The following ZXDC variants were observed in gnomAD, a reference collection of about 807,000 sequenced individuals.
ZXDC encodes zinc finger protein ZXDC.
A neutral mutation model predicts 63.6 loss-of-function variants in ZXDC; 58 were observed. The ratio of observed to expected loss-of-function variants is 0.91; its 90% confidence interval spans 0.74 to 1.13. The LOEUF (loss-of-function observed/expected upper bound fraction) is 1.13. Among genes scored for constraint, ZXDC ranks in the 50% most tolerant of loss-of-function variants. ZXDC has a pLI of 0.00. For missense variants in ZXDC, 1,133 were observed against 1,148.9 expected, an observed-to-expected ratio of 0.99 and a Z score of 0.20; for synonymous variants, 561 against 496.1, an observed-to-expected ratio of 1.13 and a Z score of -1.74.
chr3:126,439,582 G>C (rs1302224405), intron 9 of ZXDC, 50 bp downstream of exon 9: 2 of 1,550,948 alleles, frequency 1.3e-6, no homozygotes, highest in African/African-American at 2.7e-5. Flanking sequence ...GGAAGTCGAA[G>C]GCTCTGCGAG....
chr3:126,441,329 C>T (rs1443158110), intron 8 of ZXDC: 4 of 1,003,378 alleles, frequency 4.0e-6, no homozygotes, highest in Non-Finnish European at 4.7e-6. Flanking sequence ...GCTGCTAGTG[C>T]GCCACAAGCA....
intron 7 of ZXDC, among the ~76,000 whole-genome samples, chr3:126,452,791 G>A (rs1934156099): frequency 6.6e-6 from 1 of 150,608 alleles, no homozygotes; most frequent in Non-Finnish European, 1.5e-5. Context: ...CCAGGCTAGA[G>A]TGCAGTGGCA....
chr3:126,468,605 C>T (rs4679246), intron 4 of ZXDC, among the ~76,000 whole-genome samples: 4,969 of 152,278 alleles, frequency 0.033, 89 homozygotes, highest in South Asian at 0.052. Context: ...CTATCCTCCA[C>T]GGCCAACTCC....
chr3:126,462,702 G>A (rs762729895), intron 5 of ZXDC, among the ~76,000 whole-genome samples: 18 of 152,058 alleles, frequency 1.2e-4, no homozygotes, highest in Non-Finnish European at 2.1e-4. Context: ...GATATTTTCC[G>A]AATCAGCTTG....
chr3:126,438,564 C>T, intron 9 of ZXDC, 103 bp from the exon 10 acceptor site: 1 of 985,190 alleles, frequency 1.0e-6, no homozygotes, highest in Non-Finnish European at 1.5e-6. Flanking sequence ...GGTGAGATAC[C>T]TGACTTCTCT....
intron 7 of ZXDC, chr3:126,457,780 T>C (rs1934363630): frequency 5.9e-6 from 3 of 511,384 alleles, no homozygotes; most frequent in Non-Finnish European, 7.6e-6. Flanking sequence ...GGATCCAGTA[T>C]CTGGTCACAA....
At chr3:126,459,805 G>C (rs76008305) in intron 6 of ZXDC, 68 bp from the exon 7 acceptor site, 22,631 of 1,612,948 alleles carry the variant, frequency 0.014, 1,088 homozygotes, top group South Asian at 0.12. Context: ...GGGAGCTACA[G>C]AAGTGCCATA....
rs780270769 is a variant in ZXDC, at chr3:126,475,205, T to C, written c.661A>G (p.Thr221Ala). The C allele has an allele frequency of 6.3e-7, 1 of 1,582,930 alleles. No individual in the cohort carries two copies. The highest frequency in any genetic ancestry group is 8.6e-7 in the Non-Finnish European group (1 of 1,164,298). ...PLEGCGWAFT[T>A]SYKLKRHLQS... ...AGGTGCCGCTTGAGCTTGTAGGACG[T>C]TGTGAAGGCCCAACCACAGCCCTCC... is the stretch of plus-strand genomic sequence containing the variant. Residue 221 changes from threonine to alanine, a missense_variant, in exon 1 of 10, where the codon ACG (threonine) becomes GCG (alanine). Transcript: ENST00000389709.
chr3:126,470,903 G>A lies in ZXDC; in HGVS notation c.1262C>T (p.Pro421Leu). 6.2e-7 allele frequency: 1 copy of A among 1,614,192 alleles called. No individual in the cohort carries two copies. The highest frequency in any genetic ancestry group is 1.6e-4 in the Middle Eastern group (1 of 6,062). Residue 421 changes from proline (P) to leucine (L), a missense_variant, in exon 4 of 10, where the codon CCT becomes CTT. Physicochemically the swap from Pro to Leu is moderately conservative, Grantham distance 98. Transcript: ENST00000389709. ...AATGTTTTAAAATCTACCTTCCACA[G>A]GACACTCGAACGGCTTTGTGCCTAG... ...THLGTKPFEC[P>L]VEGCCARFSA...
intron 8 of ZXDC, chr3:126,440,642 CCCTGCT>C: frequency 1.0e-6 from 1 of 986,468 alleles, no homozygotes; most frequent in Non-Finnish European, 1.2e-6. Flanking sequence ...CTCCCCCTGC[CCCTGCT>C]CCTGGGGAGT....
At chr3:126,441,041 C>T (rs966882660) in intron 8 of ZXDC, 47 of 985,472 alleles carry the variant, frequency 4.8e-5, no homozygotes, top group Admixed American at 6.1e-5. Flanking sequence ...GGGCCAAACC[C>T]AGACAGCCCC....
chr3:126,474,687 TTCA>T (rs948881853), intron 1 of ZXDC, among the ~76,000 whole-genome samples: 28 of 152,226 alleles, frequency 1.8e-4, no homozygotes, highest in African/African-American at 6.5e-4. Flanking sequence ...GCGTGCCGCT[TTCA>T]TCAAGCACAA....
At chr3:126,461,234 C>G (rs1254181999) in intron 6 of ZXDC, 8 of 1,141,126 alleles carry the variant, frequency 7.0e-6, no homozygotes, top group Non-Finnish European at 8.6e-6. Flanking sequence ...CTCAACATTA[C>G]AAAACCCCCA....
At chr3:126,463,179 T>C (rs1934625621) in intron 5 of ZXDC, among the ~76,000 whole-genome samples, 1 of 152,080 alleles carries the variant, frequency 6.6e-6, no homozygotes, top group South Asian at 2.1e-4. Context: ...CCCCGTTCTC[T>C]TGCCTCAGCT....
rs565173374 is a variant in ZXDC, at chr3:126,471,191, T to C, written c.1140-166A>G. ...TTAATCCATGTGAGCAGATTTGCAATTTAGCTACCCCATAAAAATTCTACT... is the reference window on the plus strand; with the variant it reads ...TTAATCCATGTGAGCAGATTTGCAACTTAGCTACCCCATAAAAATTCTACT... On this transcript the variant is annotated intron_variant, in intron 3 of 9. Transcript: ENST00000389709. Among the ~76,000 whole-genome samples the C allele has an allele frequency of 2.0e-5, 3 of 152,370 alleles. No homozygotes were observed. The East Asian group carries it at 5.8e-4, about 29-fold the overall frequency.
chr3:126,461,173 G>A (rs950150243), intron 6 of ZXDC: 9 of 1,003,488 alleles, frequency 9.0e-6, no homozygotes, highest in African/African-American at 1.7e-5. Flanking sequence ...CTTATGTCTC[G>A]ACTCCTCTTC....
At chr3:126,457,894 T>C (rs1016896770) in intron 7 of ZXDC, among the ~76,000 whole-genome samples, 7 of 152,138 alleles carry the variant, frequency 4.6e-5, no homozygotes, top group Non-Finnish European at 8.8e-5. Context: ...ACTACTAATT[T>C]TCAGGAAAAG....
chr3:126,474,998 G>A lies in ZXDC; in HGVS notation c.868C>T (p.His290Tyr). Residue 290 changes from histidine (H) to tyrosine (Y), a missense_variant, in exon 1 of 10, where the codon CAC becomes TAC. By Grantham distance (83) the His-to-Tyr change is moderately conservative. Coordinates refer to ENST00000389709, the MANE Select transcript of ZXDC (RefSeq NM_025112.5). ...HAKLSSHQRS[H>Y]FEPERPYKCD... ...TTGTAAGGGCGCTCGGGCTCGAAGTGGCTGCGCTGGTGGGAGCTGAGCTTG... is the reference window on the plus strand; with the variant it reads ...TTGTAAGGGCGCTCGGGCTCGAAGTAGCTGCGCTGGTGGGAGCTGAGCTTG... 6.3e-7 allele frequency: 1 copy of A among 1,594,892 alleles called. No homozygotes were observed. The highest frequency in any genetic ancestry group is 8.5e-7 in the Non-Finnish European group (1 of 1,171,484).
chr3:126,453,038 T>C (rs560401043), intron 7 of ZXDC: 54 of 985,414 alleles, frequency 5.5e-5, no homozygotes, highest in South Asian at 5.2e-4. Context: ...GAGATACCCT[T>C]GTCAGATTTT....
Sources: allele counts gnomAD v4.1 joint callset (sites outside exome capture counted in the v4.1 genomes callset), GRCh38; gene constraint gnomAD v4.1.1; transcripts MANE v1.5; gene names NCBI Gene and HGNC (gene_info 2026-07-23, HGNC 2026-07-21).